The following SLC25A21 variants were observed in gnomAD, a reference collection of about 807,000 sequenced individuals.
SLC25A21 encodes solute carrier family 25 member 21.
A neutral mutation model predicts 43.8 loss-of-function variants in SLC25A21; 47 were observed. The ratio of observed to expected loss-of-function variants is 1.07; its 90% CI spans 0.85 to 1.37. SLC25A21 has a LOEUF of 1.37. Among genes scored for constraint, SLC25A21 ranks in the 40% most tolerant of loss-of-function variants. The pLI, the probability that SLC25A21 is intolerant of heterozygous loss-of-function variation, is 0.00. For synonymous variants in SLC25A21, 131 were observed against 121.3 expected, an observed-to-expected ratio of 1.08 and a Z score of -0.52; for missense variants, 352 against 350.2, an observed-to-expected ratio of 1.00 and a Z score of -0.04.
chr14:36,789,914 A>G (rs1230590393), intron 3 of SLC25A21, among the ~76,000 whole-genome samples: 43 of 122,572 alleles, frequency 3.5e-4, no homozygotes, highest in Non-Finnish European at 5.9e-4. Context: ...ATTTATATAT[A>G]TTATATATTT....
At chr14:36,759,987 T>A (rs1260703715) in intron 3 of SLC25A21, among the ~76,000 whole-genome samples, 1 of 151,930 alleles carries the variant, frequency 6.6e-6, no homozygotes, top group Non-Finnish European at 1.5e-5. Context: ...AGAAAGAAAT[T>A]GCTAAGTCCA....
intron 1 of SLC25A21, among the ~76,000 whole-genome samples, chr14:36,928,917 C>T (rs1185744360): frequency 1.3e-5 from 2 of 152,080 alleles, no homozygotes; most frequent in African/African-American, 2.4e-5. Context: ...AGAATTCCCT[C>T]ATTGTGCATA....
At position 36,832,850 on chromosome 14, in the gene SLC25A21, C is replaced by T. The variant is rs1180545552; in HGVS notation, c.120-18849G>A. 1.2e-4 allele frequency among the ~76,000 whole-genome samples: 19 copies of T among 152,096 alleles called. 1 individual carries two copies. Among genetic ancestry groups the T allele is most frequent in the Admixed American group, 1.2e-3 (19 of 15,272 alleles). Reference sequence around the variant, plus strand: ...AATGACCCAAACAAATCTCAGAAAACAAAGTGGATTCCACCCTTTTTTGTG... The same window carrying T: ...AATGACCCAAACAAATCTCAGAAAATAAAGTGGATTCCACCCTTTTTTGTG... On this transcript the variant is annotated intron_variant, in intron 2 of 9. Coordinates refer to ENST00000331299, the MANE Select transcript of SLC25A21 (RefSeq NM_030631.4).
intron 1 of SLC25A21, among the ~76,000 whole-genome samples, chr14:37,170,313 C>G (rs1266988536): frequency 1.3e-5 from 2 of 152,148 alleles, no homozygotes; most frequent in Non-Finnish European, 2.9e-5. Flanking sequence ...GGATTACAGG[C>G]GTAAGACACC....
At chr14:36,722,132 C>T (rs1884398003) in intron 6 of SLC25A21, among the ~76,000 whole-genome samples, 1 of 152,130 alleles carries the variant, frequency 6.6e-6, no homozygotes, top group Admixed American at 6.5e-5. Context: ...TTGAGATGTG[C>T]TGTTAACACA....
At chr14:37,146,820 T>C (rs1386965402) in intron 1 of SLC25A21, among the ~76,000 whole-genome samples, 1 of 152,232 alleles carries the variant, frequency 6.6e-6, no homozygotes, top group African/African-American at 2.4e-5. Context: ...ACATGTCTCA[T>C]GTTTATTCAA....
chr14:36,747,056 T>C (rs1439241764), intron 3 of SLC25A21, among the ~76,000 whole-genome samples: 1 of 152,152 alleles, frequency 6.6e-6, no homozygotes, highest in Non-Finnish European at 1.5e-5. Context: ...AACAAATATA[T>C]ATAAATTCAT....
At chr14:36,819,842 C>T (rs905639309) in intron 2 of SLC25A21, among the ~76,000 whole-genome samples, 1 of 151,894 alleles carries the variant, frequency 6.6e-6, no homozygotes, top group Non-Finnish European at 1.5e-5. Context: ...TTTAATGGTG[C>T]CTAACACCCA....
At chr14:37,138,548 T>C (rs1391891519) in intron 1 of SLC25A21, among the ~76,000 whole-genome samples, 1 of 152,148 alleles carries the variant, frequency 6.6e-6, no homozygotes, top group Non-Finnish European at 1.5e-5. Context: ...CTGTTAATAT[T>C]TATATAGCTC....
intron 1 of SLC25A21, among the ~76,000 whole-genome samples, chr14:36,977,661 A>T (rs1959909874): frequency 6.6e-6 from 1 of 152,216 alleles, no homozygotes; most frequent in Admixed American, 6.5e-5. Context: ...CTTGTAAAAA[A>T]GTGTGTTTTC....
intron 1 of SLC25A21, among the ~76,000 whole-genome samples, chr14:37,159,135 T>C (rs1283587794): frequency 5.3e-5 from 8 of 150,904 alleles, no homozygotes; most frequent in Admixed American, 5.3e-4. Context: ...GAAGAATTAA[T>C]AACAATAAAA....
rs1207126813 is a variant in SLC25A21, at chr14:36,680,445, T to TATTA, written c.*209_*212dup. Reference sequence around the variant, plus strand: ...TCACTTTAAATACCTCATTGTTTCATATTATTTTTTTCTTCTCACAGTTTT... The same window carrying TATTA: ...TCACTTTAAATACCTCATTGTTTCATATTAATTATTTTTTTCTTCTCACAGTTTT... On this transcript the variant is annotated 3_prime_UTR_variant, in exon 10 of 10. Transcript: ENST00000331299. 6.8e-6 allele frequency: 8 copies of TATTA among 1,180,424 alleles called. No individual in the cohort carries two copies. The highest frequency in any genetic ancestry group is 6.3e-5 in the African/African-American group (4 of 63,126). The allele number at this position is 1,180,424 out of a possible 1,614,324, so 73.1% of individuals were successfully genotyped here.
intron 1 of SLC25A21, among the ~76,000 whole-genome samples, chr14:37,080,527 G>C (rs2138837482): frequency 6.6e-6 from 1 of 152,298 alleles, no homozygotes; most frequent in East Asian, 1.9e-4. Flanking sequence ...CTGAGCCCAG[G>C]AGGTCGAGAC....
At chr14:36,740,729 G>T (rs1885219937) in intron 3 of SLC25A21, among the ~76,000 whole-genome samples, 1 of 149,824 alleles carries the variant, frequency 6.7e-6, no homozygotes, top group South Asian at 2.1e-4. Flanking sequence ...GCAAGGAAAT[G>T]TGAAATTTCC....
chr14:36,918,389 G>A (rs910150549), intron 1 of SLC25A21, among the ~76,000 whole-genome samples: 2 of 152,098 alleles, frequency 1.3e-5, no homozygotes, highest in East Asian at 1.9e-4. Flanking sequence ...AACTTAAAAT[G>A]ATAAGCACGT....
At chr14:37,076,443 G>A (rs1450189483) in intron 1 of SLC25A21, among the ~76,000 whole-genome samples, 1 of 151,584 alleles carries the variant, frequency 6.6e-6, no homozygotes, top group Non-Finnish European at 1.5e-5. Flanking sequence ...AAGTGCTGGT[G>A]TTTATAGGTG....
At chr14:36,885,014 C>A (rs1032376379) in intron 1 of SLC25A21, among the ~76,000 whole-genome samples, 1 of 152,054 alleles carries the variant, frequency 6.6e-6, no homozygotes, top group Admixed American at 6.6e-5. Context: ...TTGCTGCCTG[C>A]GCTTTTGGGG....
At chr14:37,142,335 C>T (rs954391209) in intron 1 of SLC25A21, among the ~76,000 whole-genome samples, 2 of 152,218 alleles carry the variant, frequency 1.3e-5, no homozygotes, top group East Asian at 1.9e-4. Context: ...AGACTATCAT[C>T]GAGGTAGAAA....
intron 1 of SLC25A21, among the ~76,000 whole-genome samples, chr14:37,118,380 C>A (rs1421444277): frequency 7.7e-6 from 1 of 130,290 alleles, no homozygotes. Flanking sequence ...AGCTCCCATT[C>A]CCCAGCCACC....
Sources: allele counts gnomAD v4.1 joint callset (sites outside exome capture counted in the v4.1 genomes callset), GRCh38; gene constraint gnomAD v4.1.1; transcripts MANE v1.5; gene names NCBI Gene and HGNC (gene_info 2026-07-23, HGNC 2026-07-21).